The following TESK2 variants were observed in gnomAD, a reference collection of about 807,000 sequenced individuals.
TESK2 encodes dual specificity testis-specific protein kinase 2.
Under a neutral mutation model 57.1 loss-of-function variants are expected in TESK2, and 39 were observed. The ratio of observed to expected loss-of-function variants is 0.68; its 90% CI spans 0.53 to 0.89. The LOEUF is 0.89. Ranked by LOEUF, TESK2 falls within the 40% of genes least tolerant of loss-of-function variation. The pLI is 0.00. For synonymous variants in TESK2, 249 were observed against 267.9 expected, an observed-to-expected ratio of 0.93 and a Z score of 0.69; for missense variants, 646 against 732.1, an observed-to-expected ratio of 0.88 and a Z score of 1.36.
chr1:45,459,409 T>C (rs540711658), intron 1 of TESK2, among the ~76,000 whole-genome samples: 1 of 152,208 alleles, frequency 6.6e-6, no homozygotes, highest in Non-Finnish European at 1.5e-5. Context: ...ATCTAGTTAA[T>C]CTAGTTCTAC....
Position 45,390,422 on chromosome 1 carries a change from C to A in TESK2, c.345-4462G>T, listed in dbSNP as rs1006850494. Among the ~76,000 whole-genome samples, 5 of 150,954 alleles carry A rather than the reference C, an allele frequency of 3.3e-5. No individual in the cohort carries two copies. In the South Asian group the frequency reaches 1.0e-3, roughly 31 times the overall value. On this transcript the variant is annotated intron_variant, in intron 3 of 10. Coordinates refer to ENST00000372086, the MANE Select transcript of TESK2 (RefSeq NM_007170.3). ...GAAGTTGCAGTGAGCCAAGATCACG[C>A]CACTGCACTCCAGCCTGGGCAACAG...
In TESK2 at chr1:45,344,094, T is replaced by C. The variant is rs971851741; in HGVS notation, c.*746A>G. The stretch of plus-strand genomic sequence containing the variant: ...GTCCCTGTATAAACCATTTAACCAA[T>C]TGAATGTATCACATGTTGATAAATA... On this transcript the variant is annotated 3_prime_UTR_variant, in exon 11 of 11. Coordinates refer to ENST00000372086, the MANE Select transcript of TESK2 (RefSeq NM_007170.3). The C allele has an allele frequency of 1.1e-4, 21 of 184,426 alleles. No homozygotes were observed. Among genetic ancestry groups the C allele is most frequent in the South Asian group, 3.6e-4 (3 of 8,266 alleles). The allele number at this position is 184,426 out of a possible 1,614,324, so 11.4% of individuals were successfully genotyped here.
At chr1:45,403,107 G>A (rs931254321) in intron 3 of TESK2, among the ~76,000 whole-genome samples, 15 of 151,652 alleles carry the variant, frequency 9.9e-5, no homozygotes, top group African/African-American at 3.4e-4. Flanking sequence ...AACATAGGGA[G>A]ACCTCATCTC....
Position 45,457,667 on chromosome 1 carries a change from G to C in TESK2, c.119C>G (p.Pro40Arg). ...ACTTATAAGAGCTCGATACGAAGAT[G>C]GCCAAACTCTTCCCACCTGGCTCAC... Reference protein sequence around the residue: ...GNVSQVGRVWPSSYRALISAF... With the variant: ...GNVSQVGRVWRSSYRALISAF... Residue 40 changes from proline (P) to arginine (R), a missense_variant, in exon 2 of 11, where the codon CCA (proline) becomes CGA (arginine). Coordinates refer to ENST00000372086, the MANE Select transcript of TESK2 (RefSeq NM_007170.3). The C allele has an allele frequency of 6.2e-7, 1 of 1,614,088 alleles. No homozygotes were observed. Among genetic ancestry groups the C allele is most frequent in the South Asian group, 1.1e-5 (1 of 91,082 alleles).
chr1:45,441,460 A>G (rs1227812208), intron 2 of TESK2, among the ~76,000 whole-genome samples: 1 of 151,932 alleles, frequency 6.6e-6, no homozygotes, highest in African/African-American at 2.4e-5. Flanking sequence ...TACAGGCGTG[A>G]GCCACCGCAC....
chr1:45,462,152 T>C (rs967330888), intron 1 of TESK2, among the ~76,000 whole-genome samples: 2 of 152,166 alleles, frequency 1.3e-5, no homozygotes, highest in Non-Finnish European at 1.5e-5. Context: ...AGTTCAATTG[T>C]CTTAATATTT....
intron 3 of TESK2, among the ~76,000 whole-genome samples, chr1:45,410,118 T>A (rs752129343): frequency 5.3e-5 from 8 of 151,980 alleles, no homozygotes; most frequent in Non-Finnish European, 1.2e-4. Context: ...ATCATGCCAC[T>A]GTACTCCAGC....
Position 45,435,665 on chromosome 1 carries a change from C to T in TESK2, c.223-13819G>A, listed in dbSNP as rs1570728211. Among the ~76,000 whole-genome samples the T allele has an allele frequency of 2.1e-5, 3 of 142,010 alleles. No homozygotes were observed. The Admixed American group carries it at 2.2e-4, about 11-fold the overall frequency. 93.2% of individuals were successfully genotyped at this position (142,010 alleles called of 152,430 possible). A position where few individuals can be genotyped will look rare whatever the true frequency, so the allele number is the denominator to read the frequency against. On this transcript the variant is annotated intron_variant, in intron 2 of 10. Transcript: ENST00000372086. ...TAAGACCCAGAATAACATGCTGAAA[C>T]CCCTATGTTTTCTTCTAGTAGTTTT...
At chr1:45,345,684 ACAGACT>A (rs1647131873) in intron 10 of TESK2, 126 bp from the exon 11 acceptor site, 2 of 1,016,256 alleles carry the variant, frequency 2.0e-6, no homozygotes, top group Admixed American at 2.2e-5. Flanking sequence ...CAATGAAGAA[ACAGACT>A]CAGAGAGGGG....
At chr1:45,470,118 C>A (rs1411373325) in intron 1 of TESK2, among the ~76,000 whole-genome samples, 1 of 152,162 alleles carries the variant, frequency 6.6e-6, no homozygotes, top group Non-Finnish European at 1.5e-5. Context: ...AGACTGCAAA[C>A]ATAATATACC....
chr1:45,405,151 T>C (rs1403214288), intron 3 of TESK2, among the ~76,000 whole-genome samples: 1 of 152,130 alleles, frequency 6.6e-6, no homozygotes, highest in Non-Finnish European at 1.5e-5. Flanking sequence ...ACTGAGGTTA[T>C]AGATATTTCA....
At chr1:45,434,026 ACT>A (rs1387014210) in intron 2 of TESK2, among the ~76,000 whole-genome samples, 3 of 151,838 alleles carry the variant, frequency 2.0e-5, no homozygotes, top group Non-Finnish European at 4.4e-5. Flanking sequence ...ATGGGATCTC[ACT>A]CTGTCTCCCA....
At chr1:45,472,355 C>T (rs559987274) in intron 1 of TESK2, among the ~76,000 whole-genome samples, 13 of 150,712 alleles carry the variant, frequency 8.6e-5, no homozygotes, top group Middle Eastern at 3.4e-3. Flanking sequence ...GTCAAGAGTT[C>T]GAGACCAGCC....
At chr1:45,458,564 C>CA (rs530668311) in intron 1 of TESK2, among the ~76,000 whole-genome samples, 2,240 of 104,744 alleles carry the variant, frequency 0.021, 43 homozygotes, top group African/African-American at 0.063. Context: ...GACACTGTCT[C>CA]AAAAAAAAAA....
At chr1:45,414,698 A>G (rs990463021) in intron 3 of TESK2, among the ~76,000 whole-genome samples, 2 of 152,236 alleles carry the variant, frequency 1.3e-5, no homozygotes, top group African/African-American at 4.8e-5. Flanking sequence ...AGATGTAGGT[A>G]GCCCAGCATT....
At chr1:45,405,494 T>A (rs1649802329) in intron 3 of TESK2, among the ~76,000 whole-genome samples, 1 of 152,038 alleles carries the variant, frequency 6.6e-6, no homozygotes, top group Non-Finnish European at 1.5e-5. Context: ...CGATTTCCTC[T>A]TTAAAAAATA....
intron 3 of TESK2, among the ~76,000 whole-genome samples, chr1:45,403,040 T>C (rs1349448571): frequency 1.3e-5 from 2 of 151,590 alleles, no homozygotes; most frequent in African/African-American, 4.8e-5. Context: ...TCCCAGCACT[T>C]TGGGAGGCTG....
chr1:45,404,827 G>A (rs1386264839), intron 3 of TESK2, among the ~76,000 whole-genome samples: 1 of 152,062 alleles, frequency 6.6e-6, no homozygotes, highest in African/African-American at 2.4e-5. Flanking sequence ...ACAGGCCTGA[G>A]CCACCACACC....
intron 2 of TESK2, among the ~76,000 whole-genome samples, chr1:45,441,707 C>T (rs1177893348): frequency 6.6e-6 from 1 of 151,506 alleles, no homozygotes; most frequent in Admixed American, 6.6e-5. Context: ...CAGCCTCCGC[C>T]TCTCAGGTTC....
Sources: allele counts gnomAD v4.1 joint callset (sites outside exome capture counted in the v4.1 genomes callset), GRCh38; gene constraint gnomAD v4.1.1; transcripts MANE v1.5; gene names NCBI Gene and HGNC (gene_info 2026-07-23, HGNC 2026-07-21).